TYW1B: variants seen among roughly 807,000 people sequenced by gnomAD.
TYW1B encodes tRNA-yW synthesizing protein 1 homolog B.
TYW1B carries 73 observed loss-of-function variants against 86.9 expected under a neutral mutation model. That is an observed-to-expected ratio of 0.84 (90% confidence interval 0.70 to 1.02). The LOEUF is 1.02. Among genes scored for constraint, TYW1B ranks in the 50% least tolerant of loss-of-function variants. The pLI, the probability that TYW1B is intolerant of heterozygous loss-of-function variation, is 0.00. For missense variants in TYW1B, 637 were observed against 827.4 expected, an observed-to-expected ratio of 0.77 and a Z score of 2.82; for synonymous variants, 248 against 292.8, an observed-to-expected ratio of 0.85 and a Z score of 1.56.
chr7:72,604,212 C>A (rs1811742569), intron 13 of TYW1B, among the ~76,000 whole-genome samples: 1 of 152,094 alleles, frequency 6.6e-6, no homozygotes, highest in Non-Finnish European at 1.5e-5. Flanking sequence ...CCTGTGATCC[C>A]AGCAATTTGA....
chr7:72,667,535 A>G (rs36024543), intron 11 of TYW1B, among the ~76,000 whole-genome samples: 1 of 152,116 alleles, frequency 6.6e-6, no homozygotes. Flanking sequence ...GCAACACGGC[A>G]AAACCCTGTC....
chr7:72,770,138 A>C (rs1474998390), intron 7 of TYW1B, among the ~76,000 whole-genome samples: 1 of 151,204 alleles, frequency 6.6e-6, no homozygotes, highest in Non-Finnish European at 1.5e-5. Context: ...GTAAATTAAA[A>C]CCACAATGAG....
chr7:72,687,899 A>T (rs879962001), intron 11 of TYW1B, among the ~76,000 whole-genome samples: 20 of 152,172 alleles, frequency 1.3e-4, no homozygotes, highest in East Asian at 5.8e-4. Flanking sequence ...TCAAAAAAAA[A>T]TTTTTTAGCC....
chr7:72,782,946 G>T (rs186133101), intron 6 of TYW1B, among the ~76,000 whole-genome samples: 1 of 152,256 alleles, frequency 6.6e-6, no homozygotes, highest in Non-Finnish European at 1.5e-5. Context: ...CAGTTAACCT[G>T]GCTAGACCTG....
intron 10 of TYW1B, among the ~76,000 whole-genome samples, chr7:72,709,767 C>G (rs1814706478): frequency 6.6e-6 from 1 of 152,192 alleles, no homozygotes; most frequent in Non-Finnish European, 1.5e-5. Flanking sequence ...ACTTTTTAAA[C>G]TCTCATTTTC....
chr7:72,666,781 C>G (rs1554445306), intron 11 of TYW1B, among the ~76,000 whole-genome samples: 1 of 152,014 alleles, frequency 6.6e-6, no homozygotes, highest in African/African-American at 2.4e-5. Context: ...CCTGTAACCC[C>G]AGCACTTTGG....
At chr7:72,609,569 T>A (rs201140253) in intron 13 of TYW1B, among the ~76,000 whole-genome samples, 1 of 150,354 alleles carries the variant, frequency 6.7e-6, no homozygotes, top group African/African-American at 2.4e-5. Flanking sequence ...GTCTCCAAAA[T>A]AAAAAAAAAT....
chr7:72,635,089 A>T (rs1300693223), intron 11 of TYW1B, among the ~76,000 whole-genome samples: 2 of 151,960 alleles, frequency 1.3e-5, no homozygotes, highest in African/African-American at 4.8e-5. Context: ...AAGCTCTTAC[A>T]TTTTTTTCTA....
At chr7:72,601,157 A>T (rs1305638998) in intron 13 of TYW1B, among the ~76,000 whole-genome samples, 59 of 152,124 alleles carry the variant, frequency 3.9e-4, no homozygotes, top group Non-Finnish European at 6.0e-4. Context: ...ATAAAAAAAA[A>T]AAATAAAAAT....
At chr7:72,751,040 CCTTTT>C (rs2129571487) in intron 7 of TYW1B, among the ~76,000 whole-genome samples, 1 of 84,480 alleles carries the variant, frequency 1.2e-5, no homozygotes, top group East Asian at 2.4e-4. Context: ...GGGTAAATTC[CCTTTT>C]TTTTTTTTTT....
At chr7:72,662,095 A>C (rs1813341032) in intron 11 of TYW1B, among the ~76,000 whole-genome samples, 1 of 152,340 alleles carries the variant, frequency 6.6e-6, no homozygotes, top group East Asian at 1.9e-4. Flanking sequence ...AATGGGTTAT[A>C]AACAGACAAA....
chr7:72,662,339 G>A (rs1460332527), intron 11 of TYW1B, among the ~76,000 whole-genome samples: 3 of 152,084 alleles, frequency 2.0e-5, no homozygotes, highest in East Asian at 1.9e-4. Context: ...GGACCAGGTC[G>A]GGGTCTCCCC....
At chr7:72,664,931 T>A (rs1214496862) in intron 11 of TYW1B, among the ~76,000 whole-genome samples, 1 of 152,124 alleles carries the variant, frequency 6.6e-6, no homozygotes, top group Non-Finnish European at 1.5e-5. Context: ...CTTTAAATAA[T>A]CTCTAGATTA....
rs1563082566 is a variant in TYW1B at position 72,753,621 on chromosome 7, C to G, written c.965-9020G>C. Among the ~76,000 whole-genome samples, 5 of 151,684 alleles carry G rather than the reference C, an allele frequency of 3.3e-5. No homozygotes were observed. In the South Asian group the frequency reaches 1.0e-3, roughly 31 times the overall value. Reference sequence around the variant, plus strand: ...TCAGCCTCCAGAGTAGCTGGGATTACAGGTGTGTGCCACCACGCCTGGCTA... The same window carrying G: ...TCAGCCTCCAGAGTAGCTGGGATTAGAGGTGTGTGCCACCACGCCTGGCTA... On this transcript the variant is annotated intron_variant, in intron 7 of 13. Coordinates refer to ENST00000620995, the MANE Select transcript of TYW1B (RefSeq NM_001145440.3).
intron 8 of TYW1B, among the ~76,000 whole-genome samples, chr7:72,733,271 T>TACGAGGCCAGTATTAC (rs1182769551): frequency 6.6e-6 from 1 of 151,972 alleles, no homozygotes; most frequent in Non-Finnish European, 1.5e-5. Context: ...CTCAGTATTA[T>TACGAGGCCAGTATTAC]ACGAGGCCAG....
At chr7:72,598,751 T>G (rs1554433119) in intron 13 of TYW1B, among the ~76,000 whole-genome samples, 1 of 152,174 alleles carries the variant, frequency 6.6e-6, no homozygotes, top group Non-Finnish European at 1.5e-5. Context: ...TTGGGACTTG[T>G]GACTGCGTCA....
chr7:72,628,847 T>C lies in TYW1B; in HGVS notation c.1617+40A>G, dbSNP rs2129568690. ...TGGCCAACGAAGCACCACGATTCTT[T>C]GTCACTCCACCACGGCCACCAGAGT... On this transcript the variant is annotated intron_variant, in intron 12 of 13. Transcript: ENST00000620995. The C allele has an allele frequency of 1.3e-6, 2 of 1,538,820 alleles. 1 individual carries two copies. Among genetic ancestry groups the C allele is most frequent in the East Asian group, 4.9e-5 (2 of 41,082 alleles).
rs1812272453 is a variant in TYW1B at position 72,623,385 on chromosome 7, C to A, written c.1617+5502G>T. 2.6e-5 allele frequency among the ~76,000 whole-genome samples: 4 copies of A among 152,118 alleles called. 1 individual carries two copies. In the South Asian group the frequency reaches 8.3e-4, roughly 32 times the overall value. The stretch of plus-strand genomic sequence containing the variant: ...GGGCATTTATATGACCTTGAGGTAC[C>A]ATAATACTAAATTTGAATTCCAAGG... On this transcript the variant is annotated intron_variant, in intron 12 of 13. Transcript: ENST00000620995.
chr7:72,685,047 G>T (rs1451351363), intron 11 of TYW1B, among the ~76,000 whole-genome samples: 1 of 151,738 alleles, frequency 6.6e-6, no homozygotes, highest in Non-Finnish European at 1.5e-5. Context: ...GGGAGGCGGA[G>T]GTTGCAGTGC....
Sources: allele counts gnomAD v4.1 joint callset (sites outside exome capture counted in the v4.1 genomes callset), GRCh38; gene constraint gnomAD v4.1.1; transcripts MANE v1.5; gene names NCBI Gene and HGNC (gene_info 2026-07-23, HGNC 2026-07-21).